The following DLG2 variants were observed in gnomAD, a reference collection of about 807,000 sequenced individuals.
DLG2 encodes the protein disks large homolog 2.
A neutral mutation model predicts 132.5 loss-of-function variants in DLG2; 45 were observed. That is an observed-to-expected ratio of 0.34 (90% CI 0.27 to 0.44). The LOEUF is 0.44. Among genes scored for constraint, DLG2 ranks in the 20% least tolerant of loss-of-function variants. The pLI is 1.00. For synonymous variants in DLG2, 424 were observed against 419.6 expected, an observed-to-expected ratio of 1.01 and a Z score of -0.13; for missense variants, 1,045 against 1,196.9, an observed-to-expected ratio of 0.87 and a Z score of 1.87.
At chr11:84,166,640 G>A (rs1420718495) in intron 8 of DLG2, among the ~76,000 whole-genome samples, 2 of 151,470 alleles carry the variant, frequency 1.3e-5, no homozygotes, top group East Asian at 1.9e-4. Context: ...TACTTATTTC[G>A]ACTTTATTTC....
intron 4 of DLG2, among the ~76,000 whole-genome samples, chr11:85,271,779 A>G (rs2077548378): frequency 6.6e-6 from 1 of 152,222 alleles, no homozygotes; most frequent in African/African-American, 2.4e-5. Context: ...CCCATTTGGA[A>G]CAAGTATTTA....
chr11:84,350,179 C>CT (rs1456929389), intron 7 of DLG2, among the ~76,000 whole-genome samples: 4 of 143,518 alleles, frequency 2.8e-5, no homozygotes, highest in South Asian at 4.8e-4. Flanking sequence ...CTTCGTCCCC[C>CT]CCCCCAAAAA....
intron 6 of DLG2, among the ~76,000 whole-genome samples, chr11:84,584,878 C>T (rs1036022576): frequency 5.3e-5 from 8 of 151,110 alleles, no homozygotes; most frequent in African/African-American, 1.9e-4. Flanking sequence ...TTAGTAGAGA[C>T]GGGGTTTCAC....
At chr11:85,562,134 T>C (rs1005184187) in intron 3 of DLG2, among the ~76,000 whole-genome samples, 2 of 151,726 alleles carry the variant, frequency 1.3e-5, no homozygotes, top group African/African-American at 4.8e-5. Context: ...AGGTTTCTGG[T>C]TACAAAGCAA....
At chr11:84,715,661 T>A (rs1596373736) in intron 6 of DLG2, among the ~76,000 whole-genome samples, 1 of 152,256 alleles carries the variant, frequency 6.6e-6, no homozygotes, top group East Asian at 1.9e-4. Flanking sequence ...TAGTTTAATG[T>A]CCTCCAGGTG....
At chr11:85,234,197 CAG>C (rs1400166495) in intron 4 of DLG2, among the ~76,000 whole-genome samples, 5 of 151,860 alleles carry the variant, frequency 3.3e-5, no homozygotes, top group Admixed American at 6.6e-5. Context: ...CATCAACAAA[CAG>C]AGTCTAATAT....
chr11:84,052,281 A>G (rs529844674), intron 11 of DLG2, among the ~76,000 whole-genome samples: 1 of 152,024 alleles, frequency 6.6e-6, no homozygotes, highest in East Asian at 1.9e-4. Flanking sequence ...TAACATAAAT[A>G]TATTTACATA....
intron 5 of DLG2, among the ~76,000 whole-genome samples, chr11:85,135,919 C>G (rs867342179): frequency 6.6e-6 from 1 of 152,186 alleles, no homozygotes; most frequent in African/African-American, 2.4e-5. Context: ...AAAATAGAGG[C>G]ATTTAACCCA....
chr11:85,419,031 A>G (rs887040108), intron 3 of DLG2, among the ~76,000 whole-genome samples: 1 of 152,158 alleles, frequency 6.6e-6, no homozygotes, highest in Non-Finnish European at 1.5e-5. Flanking sequence ...GGTATTTACA[A>G]TTTGGTATGT....
chr11:84,510,764 A>G (rs983059163), intron 7 of DLG2, among the ~76,000 whole-genome samples: 23 of 152,280 alleles, frequency 1.5e-4, no homozygotes, highest in African/African-American at 5.5e-4. Flanking sequence ...GGCCTTACAT[A>G]ATGGGAATTG....
chr11:83,745,653 T>C lies in DLG2; in HGVS notation c.1825+41037A>G, dbSNP rs187383120. On this transcript the variant is annotated intron_variant, in intron 18 of 27. Coordinates refer to ENST00000376104, the MANE Select transcript of DLG2 (RefSeq NM_001142699.3). Reference sequence around the variant, plus strand: ...CCCGTCTCTACTAAAAATATAAAAATTAGCCTGGCGTGGTGGCATGCACCT... The same window carrying C: ...CCCGTCTCTACTAAAAATATAAAAACTAGCCTGGCGTGGTGGCATGCACCT... 2.0e-3 allele frequency among the ~76,000 whole-genome samples: 304 copies of C among 152,022 alleles called. 1 individual carries two copies. Among genetic ancestry groups the C allele is most frequent in the African/African-American group, 6.9e-3 (288 of 41,476 alleles).
At chr11:84,469,204 T>G (rs1271758214) in intron 7 of DLG2, among the ~76,000 whole-genome samples, 1 of 151,672 alleles carries the variant, frequency 6.6e-6, no homozygotes, top group African/African-American at 2.4e-5. Context: ...TTTAGGAAGA[T>G]TAATCTGGCA....
intron 4 of DLG2, among the ~76,000 whole-genome samples, chr11:85,175,316 T>C (rs982835484): frequency 6.6e-6 from 1 of 152,184 alleles, no homozygotes; most frequent in Non-Finnish European, 1.5e-5. Flanking sequence ...TGGTTCAACA[T>C]ATGCAAATCA....
chr11:84,903,010 C>G (rs367651222), intron 6 of DLG2, among the ~76,000 whole-genome samples: 5 of 151,686 alleles, frequency 3.3e-5, no homozygotes, highest in Admixed American at 6.6e-5. Flanking sequence ...TTTTCTGAAG[C>G]ATTACAATAG....
At chr11:85,151,749 C>T (rs538196212) in intron 5 of DLG2, among the ~76,000 whole-genome samples, 1 of 152,318 alleles carries the variant, frequency 6.6e-6, no homozygotes, top group South Asian at 2.1e-4. Flanking sequence ...ATGAATATAT[C>T]TGTCTTTATG....
chr11:84,785,740 C>G (rs2072767616), intron 6 of DLG2, among the ~76,000 whole-genome samples: 1 of 151,952 alleles, frequency 6.6e-6, no homozygotes, highest in Non-Finnish European at 1.5e-5. Flanking sequence ...TGGATCTAAA[C>G]ATTTTTATTA....
intron 4 of DLG2, among the ~76,000 whole-genome samples, chr11:85,165,529 G>A (rs2078375773): frequency 6.6e-6 from 1 of 152,134 alleles, no homozygotes; most frequent in African/African-American, 2.4e-5. Flanking sequence ...ACTCTATAAG[G>A]AAAGTACTTT....
intron 9 of DLG2, among the ~76,000 whole-genome samples, chr11:84,161,083 G>A (rs2095536260): frequency 6.6e-6 from 1 of 152,228 alleles, no homozygotes. Flanking sequence ...AGTGAGATGA[G>A]TGAGTGTTTC....
At chr11:84,306,977 A>T (rs1487233760) in intron 7 of DLG2, among the ~76,000 whole-genome samples, 3 of 152,216 alleles carry the variant, frequency 2.0e-5, no homozygotes, top group African/African-American at 7.2e-5. Context: ...TCAACCCAAC[A>T]AACCCATTAC....
Sources: allele counts gnomAD v4.1 joint callset (sites outside exome capture counted in the v4.1 genomes callset), GRCh38; gene constraint gnomAD v4.1.1; transcripts MANE v1.5; gene names NCBI Gene and HGNC (gene_info 2026-07-23, HGNC 2026-07-21).